The following TTLL5 variants were observed in gnomAD, a reference collection of about 807,000 sequenced individuals.
TTLL5 encodes tubulin polyglutamylase TTLL5.
Under a neutral mutation model 168.4 loss-of-function variants are expected in TTLL5, and 132 were observed. That is an observed-to-expected ratio of 0.78 (90% CI 0.68 to 0.91). TTLL5 has a LOEUF of 0.91. Among genes scored for constraint, TTLL5 ranks in the 40% least tolerant of loss-of-function variants. The pLI, the probability that TTLL5 is intolerant of heterozygous loss-of-function variation, is 0.00. For missense variants in TTLL5, 1,545 were observed against 1,581.5 expected, an observed-to-expected ratio of 0.98 and a Z score of 0.39; for synonymous variants, 546 against 558.6, an observed-to-expected ratio of 0.98 and a Z score of 0.32.
At chr14:75,677,840 C>T (rs980791462) in intron 3 of TTLL5, among the ~76,000 whole-genome samples, 2 of 151,744 alleles carry the variant, frequency 1.3e-5, no homozygotes, top group African/African-American at 4.8e-5. Flanking sequence ...CTATGTTGCC[C>T]TGGCCGATCT....
chr14:75,808,332 C>A (rs1271060140), intron 27 of TTLL5, among the ~76,000 whole-genome samples: 1 of 152,086 alleles, frequency 6.6e-6, no homozygotes, highest in African/African-American at 2.4e-5. Flanking sequence ...TTTCCTGACC[C>A]CCTTTAAAAT....
At position 75,727,458 on chromosome 14, in the gene TTLL5, T is replaced by C. The variant is rs114297452; in HGVS notation, c.1043-4880T>C. On this transcript the variant is annotated intron_variant, in intron 12 of 31. Coordinates refer to ENST00000298832, the MANE Select transcript of TTLL5 (RefSeq NM_015072.5). Reference sequence around the variant, plus strand: ...AAGCCAGTTTCAAGAAACTACATATTACATTAATTTCATTTATTTGACTTT... The same window carrying C: ...AAGCCAGTTTCAAGAAACTACATATCACATTAATTTCATTTATTTGACTTT... Among the ~76,000 whole-genome samples, 622 of 152,300 alleles carry C rather than the reference T, an allele frequency of 4.1e-3. 4 individuals carry two copies. The highest frequency in any genetic ancestry group is 0.015 in the African/African-American group (603 of 41,568).
In TTLL5 at chr14:75,882,747, T is replaced by C. The variant is rs1258418542; in HGVS notation, c.3585T>C (p.Gly1195=). The change falls in exon 30 of 32, where the codon GGT becomes GGC. Residue 1195 remains glycine (G), a synonymous_variant. Coordinates refer to ENST00000298832, the MANE Select transcript of TTLL5 (RefSeq NM_015072.5). ...SNLWTMNNGA[G]CRISSATASG... ...TATGGACAATGAATAATGGTGCAGGTTGTAGAATTTCCAGTGCCACAGCTA... is the reference window on the plus strand; with the variant it reads ...TATGGACAATGAATAATGGTGCAGGCTGTAGAATTTCCAGTGCCACAGCTA... 1.2e-6 allele frequency: 2 copies of C among 1,613,826 alleles called. No individual in the cohort carries two copies. Among genetic ancestry groups the C allele is most frequent in the South Asian group, 2.2e-5 (2 of 91,052 alleles).
chr14:75,944,993 C>G (rs1235935073), intron 31 of TTLL5, among the ~76,000 whole-genome samples: 1 of 151,974 alleles, frequency 6.6e-6, no homozygotes, highest in African/African-American at 2.4e-5. Flanking sequence ...CAAGTGCTAG[C>G]AGACCACTGC....
At chr14:75,751,015 G>C (rs1374868865) in intron 17 of TTLL5, among the ~76,000 whole-genome samples, 8 of 152,168 alleles carry the variant, frequency 5.3e-5, no homozygotes, top group Admixed American at 3.3e-4. Flanking sequence ...TCCTGAATGT[G>C]TGTAACCATC....
chr14:75,905,964 C>T (rs1040819032), intron 31 of TTLL5, among the ~76,000 whole-genome samples: 4 of 152,178 alleles, frequency 2.6e-5, no homozygotes, highest in South Asian at 2.1e-4. Flanking sequence ...ATTTCATGTG[C>T]AAGCAGTGAG....
chr14:75,780,900 G>T (rs1892008940), intron 24 of TTLL5, among the ~76,000 whole-genome samples: 1 of 151,988 alleles, frequency 6.6e-6, no homozygotes, highest in Admixed American at 6.6e-5. Flanking sequence ...TATGTGTTAG[G>T]CATTTTCATG....
intron 28 of TTLL5, among the ~76,000 whole-genome samples, chr14:75,828,505 GT>G (rs1220430104): frequency 2.0e-5 from 3 of 152,128 alleles, no homozygotes; most frequent in Non-Finnish European, 4.4e-5. Context: ...TATACCATAT[GT>G]GTTAATTACT....
intron 30 of TTLL5, among the ~76,000 whole-genome samples, chr14:75,896,049 T>C (rs536344141): frequency 1.2e-4 from 18 of 152,354 alleles, no homozygotes; most frequent in African/African-American, 4.3e-4. Flanking sequence ...ATTTATAAAA[T>C]GGAGTCCTGA....
At chr14:75,924,074 G>A (rs1288122467) in intron 31 of TTLL5, among the ~76,000 whole-genome samples, 1 of 148,288 alleles carries the variant, frequency 6.7e-6, no homozygotes, top group Non-Finnish European at 1.5e-5. Context: ...CATTTGCCTG[G>A]TAGATCTTCG....
At chr14:75,892,927 A>G (rs2032471673) in intron 30 of TTLL5, among the ~76,000 whole-genome samples, 1 of 152,154 alleles carries the variant, frequency 6.6e-6, no homozygotes, top group African/African-American at 2.4e-5. Context: ...AGGCAACTAT[A>G]TAATCTTCAG....
chr14:75,842,533 G>C (rs1008275593), intron 28 of TTLL5, among the ~76,000 whole-genome samples: 1 of 152,066 alleles, frequency 6.6e-6, no homozygotes, highest in African/African-American at 2.4e-5. Flanking sequence ...TCCTGGTTTT[G>C]TTTTTGATTG....
At chr14:75,667,823 C>T (rs1196742258) in intron 2 of TTLL5, among the ~76,000 whole-genome samples, 1 of 142,934 alleles carries the variant, frequency 7.0e-6, no homozygotes, top group East Asian at 2.1e-4. Flanking sequence ...TGTAGTGGCA[C>T]GATCTTGGTT....
At chr14:75,773,923 TATATAGAGAG>T (rs1445188750) in intron 21 of TTLL5, among the ~76,000 whole-genome samples, 1,064 of 27,694 alleles carry the variant, frequency 0.038, 33 homozygotes, top group South Asian at 0.069. Context: ...TATATATATA[TATATAGAGAG>T]AGAGAGAGAG....
At chr14:75,921,945 C>T (rs1240929974) in intron 31 of TTLL5, among the ~76,000 whole-genome samples, 4 of 152,172 alleles carry the variant, frequency 2.6e-5, no homozygotes, top group Non-Finnish European at 5.9e-5. Context: ...CCTTCACATT[C>T]CTTGTGAGTT....
intron 31 of TTLL5, among the ~76,000 whole-genome samples, chr14:75,912,188 T>C (rs1027207731): frequency 6.6e-6 from 1 of 152,198 alleles, no homozygotes; most frequent in Non-Finnish European, 1.5e-5. Flanking sequence ...CCTTTTTTTT[T>C]TTTACATTCA....
At chr14:75,757,895 A>G in intron 18 of TTLL5, 1 of 1,583,658 alleles carries the variant, frequency 6.3e-7, no homozygotes, top group Non-Finnish European at 8.5e-7. Flanking sequence ...AAGTTGAGAA[A>G]TGCTTTCCAT....
intron 11 of TTLL5, among the ~76,000 whole-genome samples, chr14:75,720,044 T>A (rs1887743689): frequency 6.6e-6 from 1 of 152,216 alleles, no homozygotes; most frequent in Non-Finnish European, 1.5e-5. Context: ...CATAACTTTT[T>A]CCTTTTAATC....
At chr14:75,952,598 A>G (rs950743361) in intron 31 of TTLL5, among the ~76,000 whole-genome samples, 5 of 152,266 alleles carry the variant, frequency 3.3e-5, no homozygotes, top group Admixed American at 3.3e-4. Context: ...GCCAAGAGGT[A>G]GAAACAACCC....
Sources: allele counts gnomAD v4.1 joint callset (sites outside exome capture counted in the v4.1 genomes callset), GRCh38; gene constraint gnomAD v4.1.1; transcripts MANE v1.5; gene names NCBI Gene and HGNC (gene_info 2026-07-23, HGNC 2026-07-21).